TRIM2: variants seen among roughly 807,000 people sequenced by gnomAD.
The protein encoded by TRIM2 is tripartite motif containing 2.
TRIM2 carries 20 observed loss-of-function variants against 75.2 expected under a neutral mutation model. The ratio of observed to expected loss-of-function variants is 0.27; its 90% CI spans 0.19 to 0.39. The LOEUF (loss-of-function observed/expected upper bound fraction) is 0.39. TRIM2 is among the 10% of genes least tolerant of loss of function. The probability of loss-of-function intolerance (pLI) is 1.00; values close to 1 mark genes in which losing one functional copy is unlikely to be tolerated. For synonymous variants in TRIM2, 373 were observed against 388.3 expected (o/e 0.96, Z 0.46); for missense variants, 660 against 990.8 (o/e 0.67, Z 4.48).
chr4:153,199,746 A>G (rs901317424), upstream of TRIM2, among the ~76,000 whole-genome samples: 1 of 152,050 alleles, frequency 6.6e-6, no homozygotes, highest in African/African-American at 2.4e-5. Flanking sequence ...CATTTAATAA[A>G]TCCTCTTTTT....
chr4:153,223,974 A>G (rs980071299), intron 1 of TRIM2, among the ~76,000 whole-genome samples: 1 of 152,138 alleles, frequency 6.6e-6, no homozygotes, highest in African/African-American at 2.4e-5. Context: ...ATTTTACATC[A>G]ATATTTTTAG....
At position 153,338,953 on chromosome 4, in the gene TRIM2, GTTTT is replaced by G. The variant is rs71598263; in HGVS notation, c.*3996_*3999del. ...CAAGCCTATGTATGAATATGAAGGG[GTTTT>G]TTTTTTTTGCTTTGTTTTCTTTTTA... is the stretch of plus-strand genomic sequence containing the variant. On this transcript the variant is annotated 3_prime_UTR_variant, in exon 12 of 12. Transcript: ENST00000338700. 13 of 839,202 alleles carry G rather than the reference GTTTT, an allele frequency of 1.5e-5. No individual in the cohort carries two copies. The South Asian group carries it at 6.9e-4, about 44-fold the overall frequency. 52.0% of individuals were successfully genotyped at this position (839,202 alleles called of 1,614,324 possible). A position where few individuals can be genotyped will look rare whatever the true frequency, so the allele number is the denominator to read the frequency against.
intron 2 of TRIM2, among the ~76,000 whole-genome samples, chr4:153,272,145 T>TTTTA (rs34229510): frequency 0.33 from 49,821 of 151,482 alleles, 12,311 homozygotes; most frequent in African/African-American, 0.71. Context: ...TCCTCTTCTT[T>TTTTA]TTTTATTTTA....
chr4:153,220,646 A>T (rs1191962065), intron 1 of TRIM2, among the ~76,000 whole-genome samples: 1 of 152,260 alleles, frequency 6.6e-6, no homozygotes, highest in African/African-American at 2.4e-5. Context: ...TTCACAGTAT[A>T]TATACATTTT....
At chr4:153,318,894 CCCCCTA>C (rs1464813687) in intron 8 of TRIM2, among the ~76,000 whole-genome samples, 1 of 152,112 alleles carries the variant, frequency 6.6e-6, no homozygotes, top group Non-Finnish European at 1.5e-5. Context: ...AACACTCATG[CCCCCTA>C]GAGGATTGGG....
intron 1 of TRIM2, among the ~76,000 whole-genome samples, chr4:153,250,398 G>A (rs983734056): frequency 6.6e-6 from 1 of 152,174 alleles, no homozygotes; most frequent in African/African-American, 2.4e-5. Context: ...GGGATTACAG[G>A]CGTGAGCCAC....
intron 1 of TRIM2, among the ~76,000 whole-genome samples, chr4:153,193,432 A>G (rs1023575538): frequency 1.3e-4 from 20 of 152,312 alleles, no homozygotes; most frequent in African/African-American, 4.3e-4. Context: ...CGCCTGGCCC[A>G]TGAATAATCT....
chr4:153,200,360 T>C (rs147975268), upstream of TRIM2, among the ~76,000 whole-genome samples: 70 of 152,330 alleles, frequency 4.6e-4, 2 homozygotes, highest in Admixed American at 4.1e-3. Flanking sequence ...ATCTTTGTTG[T>C]AGAACTTCAT....
chr4:153,294,147 G>A (rs1048379813), intron 4 of TRIM2, among the ~76,000 whole-genome samples, 158 bp from the exon 5 acceptor site: 1 of 152,036 alleles, frequency 6.6e-6, no homozygotes. Context: ...TCTCTCTAAG[G>A]CAGTAATTAT....
intron 9 of TRIM2, 110 bp downstream of exon 9, chr4:153,322,926 T>C: frequency 7.1e-7 from 1 of 1,401,078 alleles, no homozygotes. Flanking sequence ...TTTGCTGGCT[T>C]TGGGAAAGAT....
chr4:153,339,079 G>T lies in TRIM2; in HGVS notation c.*4113G>T, dbSNP rs777917708. 150 of 984,880 alleles carry T rather than the reference G, an allele frequency of 1.5e-4. No individual in the cohort carries two copies. The highest frequency in any genetic ancestry group is 1.8e-4 in the Non-Finnish European group (146 of 829,808). The allele number at this position is 984,880 out of a possible 1,614,324, so 61.0% of individuals were successfully genotyped here. A position where few individuals can be genotyped will look rare whatever the true frequency, so the allele number is the denominator to read the frequency against. Reference sequence around the variant, plus strand: ...CTGACATTGATACTGATATATTCTCGTCATTTGTTCTTTTATGAATCAAAA... The same window carrying T: ...CTGACATTGATACTGATATATTCTCTTCATTTGTTCTTTTATGAATCAAAA... On this transcript the variant is annotated 3_prime_UTR_variant, in exon 12 of 12. Transcript: ENST00000338700.
chr4:153,309,373 C>T (rs1034241399), intron 6 of TRIM2, among the ~76,000 whole-genome samples: 9 of 152,056 alleles, frequency 5.9e-5, no homozygotes, highest in Admixed American at 5.2e-4. Flanking sequence ...TAATGTTTGT[C>T]CTGCTATCTC....
intron 8 of TRIM2, among the ~76,000 whole-genome samples, chr4:153,319,277 C>T (rs543779753): frequency 6.6e-6 from 1 of 152,318 alleles, no homozygotes; most frequent in African/African-American, 2.4e-5. Context: ...CCCACTGCCT[C>T]CTATCTTCCA....
chr4:153,220,967 G>A (rs1430599024), intron 1 of TRIM2, among the ~76,000 whole-genome samples: 3 of 152,086 alleles, frequency 2.0e-5, no homozygotes, highest in Admixed American at 2.0e-4. Context: ...ATTAGCGTAT[G>A]ACCCAGTGAT....
At chr4:153,185,808 T>TC (rs1732540011) in intron 1 of TRIM2, among the ~76,000 whole-genome samples, 1 of 152,156 alleles carries the variant, frequency 6.6e-6, no homozygotes, top group Non-Finnish European at 1.5e-5. Context: ...GAAGATGGTT[T>TC]CATGATTCCT....
intron 6 of TRIM2, among the ~76,000 whole-genome samples, chr4:153,305,794 T>G (rs977821050): frequency 1.3e-5 from 2 of 152,170 alleles, no homozygotes; most frequent in African/African-American, 4.8e-5. Flanking sequence ...ACACTACCAC[T>G]TTGGGAATTA....
chr4:153,289,814 T>C (rs1761459972), intron 3 of TRIM2, among the ~76,000 whole-genome samples: 1 of 152,202 alleles, frequency 6.6e-6, no homozygotes, highest in South Asian at 2.1e-4. Flanking sequence ...CTAGATTGGT[T>C]TGGGAAGAGT....
At chr4:153,232,372 G>A (rs1481449893) in intron 1 of TRIM2, among the ~76,000 whole-genome samples, 4 of 152,168 alleles carry the variant, frequency 2.6e-5, no homozygotes, top group Admixed American at 6.5e-5. Context: ...GGTGGCGCAC[G>A]CCTGTAGTCC....
chr4:153,275,777 A>G, intron 2 of TRIM2, 116 bp from the exon 3 acceptor site: 1 of 893,128 alleles, frequency 1.1e-6, no homozygotes, highest in Non-Finnish European at 1.8e-6. Context: ...AGTAAAGGAG[A>G]CTGGGATGGG....
Sources: allele counts gnomAD v4.1 joint callset (sites outside exome capture counted in the v4.1 genomes callset), GRCh38; gene constraint gnomAD v4.1.1; transcripts MANE v1.5; gene names NCBI Gene and HGNC (gene_info 2026-07-23, HGNC 2026-07-21).